FHIP2B: variants seen among roughly 807,000 people sequenced by gnomAD.
FHIP2B encodes the protein FHF complex subunit HOOK-interacting protein 2B.
A neutral mutation model predicts 84.0 loss-of-function variants in FHIP2B; 72 were observed. The observed-to-expected ratio is 0.86, with a 90% CI of 0.71 to 1.04. FHIP2B has a LOEUF of 1.04. Among genes scored for constraint, FHIP2B ranks in the 50% least tolerant of loss-of-function variants. FHIP2B has a pLI of 0.00. For synonymous variants in FHIP2B, 497 were observed against 418.7 expected, an observed-to-expected ratio of 1.19 and a Z score of -2.28; for missense variants, 972 against 968.9, an observed-to-expected ratio of 1.00 and a Z score of -0.04.
At chr8:22,091,464 G>A (rs1036098605) in intron 1 of FHIP2B, among the ~76,000 whole-genome samples, 49 of 152,110 alleles carry the variant, frequency 3.2e-4, no homozygotes, top group African/African-American at 1.1e-3. Flanking sequence ...GGCTGGTCTC[G>A]AACTCCTGAC....
chr8:22,102,387 G>T, intron 15 of FHIP2B, 72 bp downstream of exon 15: 1 of 1,549,150 alleles, frequency 6.5e-7, no homozygotes, highest in Admixed American at 1.8e-5. Flanking sequence ...GAACGGGGCA[G>T]GTGGTTGGGG....
intron 15 of FHIP2B, 42 bp downstream of exon 15, chr8:22,102,357 G>A: frequency 1.2e-6 from 2 of 1,604,458 alleles, no homozygotes; most frequent in South Asian, 1.1e-5. Flanking sequence ...TAGTGAGGTG[G>A]AGGGGACATC....
intron 2 of FHIP2B, chr8:22,095,551 G>A (rs1455141538): frequency 6.6e-6 from 1 of 152,260 alleles, no homozygotes; most frequent in Non-Finnish European, 1.5e-5. Context: ...CACCAGCTCA[G>A]TAAGATCAGA....
intron 14 of FHIP2B, 111 bp from the exon 15 acceptor site, chr8:22,102,064 T>C: frequency 1.9e-6 from 3 of 1,583,038 alleles, no homozygotes; most frequent in Non-Finnish European, 1.7e-6. Flanking sequence ...ACACATCACG[T>C]GAGCCTCCCA....
At chr8:22,097,378 C>T (rs999824201) in intron 3 of FHIP2B, 138 bp from the exon 4 acceptor site, 6 of 612,722 alleles carry the variant, frequency 9.8e-6, no homozygotes, top group Non-Finnish European at 1.8e-5. Context: ...CGCTCTGTCC[C>T]TGGCCTCAGT....
Position 22,100,732 on chromosome 8 carries a change from G to C in FHIP2B, c.1480G>C (p.Asp494His). The C allele has an allele frequency of 6.2e-7, 1 of 1,604,130 alleles. No individual in the cohort carries two copies. The highest frequency in any genetic ancestry group is 1.1e-5 in the South Asian group (1 of 89,970). The change falls in exon 11 of 17, where the codon GAC becomes CAC. Residue 494 changes from aspartate (D) to histidine (H), a missense_variant. Physicochemically the swap from Asp to His is moderately conservative, Grantham distance 81. Transcript: ENST00000289921. ...CTCACCAGAGCCTGAGAGCTATGAGGACACCCTGTAAGTGAAACCGGCGCC... is the reference window on the plus strand; with the variant it reads ...CTCACCAGAGCCTGAGAGCTATGAGCACACCCTGTAAGTGAAACCGGCGCC... ...WGSPEPESYE[D>H]TLDLEEDPYF...
intron 1 of FHIP2B, chr8:22,089,635 G>C: frequency 2.1e-6 from 1 of 474,220 alleles, no homozygotes. Flanking sequence ...GGTGTTTCCT[G>C]CCCCCCGGGG....
intron 12 of FHIP2B, 105 bp downstream of exon 12, chr8:22,101,077 A>G (rs1050667562): frequency 1.4e-6 from 2 of 1,416,012 alleles, no homozygotes; most frequent in East Asian, 2.5e-5. Flanking sequence ...GTGCAGTGGT[A>G]CAATCTCGGC....
At chr8:22,100,460 C>T (rs1270104850) in intron 10 of FHIP2B, 134 bp from the exon 11 acceptor site, 30 of 1,032,232 alleles carry the variant, frequency 2.9e-5, no homozygotes, top group Non-Finnish European at 3.8e-5. Context: ...CCCCCAAAAC[C>T]TGCCACCTTA....
Position 22,099,904 on chromosome 8 carries a change from G to A in FHIP2B, c.1341+11G>A. The A allele has an allele frequency of 6.3e-7, 1 of 1,595,402 alleles. No individual in the cohort carries two copies. Among genetic ancestry groups the A allele is most frequent in the Non-Finnish European group, 8.5e-7 (1 of 1,172,812 alleles). ...CACCTCTCTGATGAGGTACAGTGGG[G>A]GACCTCCATCTCTGTTCCTCTCACC... On this transcript the variant is annotated intron_variant, in intron 10 of 16. Transcript: ENST00000289921.
Position 22,097,702 on chromosome 8 carries a change from C to G in FHIP2B, c.403-15C>G. On this transcript the variant is annotated splice_polypyrimidine_tract_variant and intron_variant, in intron 4 of 16. Coordinates refer to ENST00000289921, the MANE Select transcript of FHIP2B (RefSeq NM_022749.7). The stretch of plus-strand genomic sequence containing the variant: ...CACCCCTCTCCCCTCTGTTTCTGTC[C>G]TGGTGCTCTTCCAGAAACTCCTCCG... 1 of 1,612,362 alleles carries G rather than the reference C, an allele frequency of 6.2e-7. No homozygotes were observed. The highest frequency in any genetic ancestry group is 1.1e-5 in the South Asian group (1 of 90,768).
At position 22,101,755 on chromosome 8, in the gene FHIP2B, C is replaced by G; in HGVS notation, c.1755C>G (p.Thr585=). 1 of 1,613,386 alleles carries G rather than the reference C, an allele frequency of 6.2e-7. No homozygotes were observed. The highest frequency in any genetic ancestry group is 8.5e-7 in the Non-Finnish European group (1 of 1,179,732). The change falls in exon 14 of 17, where the codon ACC becomes ACG. Residue 585 remains threonine, a synonymous_variant. Transcript: ENST00000289921. ...TCGCCTCCTGGGGCTGGCCTCTGAC[C>G]CCCACACCTTTGGACCCCCATGAGC... is the stretch of plus-strand genomic sequence containing the variant. ...SRVASWGWPL[T]PTPLDPHEPE...
chr8:22,100,558 G>T, intron 10 of FHIP2B, 36 bp from the exon 11 acceptor site: 1 of 1,497,722 alleles, frequency 6.7e-7, no homozygotes, highest in Non-Finnish European at 8.9e-7. Context: ...GCTGGGTGGG[G>T]AAGGGGCTAT....
chr8:22,090,624 CTTTT>C (rs1249822338), intron 1 of FHIP2B, among the ~76,000 whole-genome samples: 1 of 152,090 alleles, frequency 6.6e-6, no homozygotes, highest in Non-Finnish European at 1.5e-5. Context: ...GAATTTCTTT[CTTTT>C]TCTTTTCTTT....
intron 10 of FHIP2B, 111 bp downstream of exon 10, chr8:22,100,004 C>T: frequency 8.7e-7 from 1 of 1,145,734 alleles, no homozygotes; most frequent in East Asian, 2.9e-5. Flanking sequence ...CTTTGAGACA[C>T]TGAACTGCAA....
rs886743051 is a variant in FHIP2B at position 22,104,047 on chromosome 8, T to C, written c.*1116T>C. The C allele has an allele frequency of 3.3e-5, 5 of 152,544 alleles. No individual in the cohort carries two copies. Among genetic ancestry groups the C allele is most frequent in the Non-Finnish European group, 7.3e-5 (5 of 68,060 alleles). 9.4% of individuals were successfully genotyped at this position (152,544 alleles called of 1,614,324 possible). Reference sequence around the variant, plus strand: ...AGGCCAGAGCCTCTTTTGCTTCCTTTTCTTGCCCATGCCGCTTCTAGAAGC... The same window carrying C: ...AGGCCAGAGCCTCTTTTGCTTCCTTCTCTTGCCCATGCCGCTTCTAGAAGC... On this transcript the variant is annotated 3_prime_UTR_variant, in exon 17 of 17. Transcript: ENST00000289921.
chr8:22,096,245 C>T, intron 2 of FHIP2B, 92 bp from the exon 3 acceptor site: 4 of 1,302,938 alleles, frequency 3.1e-6, no homozygotes, highest in Non-Finnish European at 4.1e-6. Context: ...GACAGGACCT[C>T]CCCTTTCTGG....
Position 22,101,510 on chromosome 8 carries a change from G to A in FHIP2B, c.1687G>A (p.Val563Ile), listed in dbSNP as rs758777354. Residue 563 changes from valine (V) to isoleucine (I), a missense_variant, in exon 13 of 17, where the codon GTC becomes ATC. Val to Ile is a conservative substitution (Grantham distance 29). Coordinates refer to ENST00000289921, the MANE Select transcript of FHIP2B (RefSeq NM_022749.7). ...GGAGGAGACAGGCTATGACACATACGTCCACGATGCTTATGGCCTGGTGAG... is the reference window on the plus strand; with the variant it reads ...GGAGGAGACAGGCTATGACACATACATCCACGATGCTTATGGCCTGGTGAG... ...FLEETGYDTY[V>I]HDAYGLFQEC... The A allele has an allele frequency of 1.2e-5, 20 of 1,612,272 alleles. No individual in the cohort carries two copies. Among genetic ancestry groups the A allele is most frequent in the Admixed American group, 1.7e-5 (1 of 59,898 alleles).
intron 3 of FHIP2B, 55 bp downstream of exon 3, chr8:22,096,564 T>C: frequency 1.4e-6 from 2 of 1,418,070 alleles, no homozygotes; most frequent in Non-Finnish European, 1.8e-6. Context: ...TCTGCGCGCT[T>C]GGCCAGGCCG....
Sources: allele counts gnomAD v4.1 joint callset (sites outside exome capture counted in the v4.1 genomes callset), GRCh38; gene constraint gnomAD v4.1.1; transcripts MANE v1.5; gene names NCBI Gene and HGNC (gene_info 2026-07-23, HGNC 2026-07-21).